The following EFCAB13 variants were observed in gnomAD, a reference collection of about 807,000 sequenced individuals.
The protein encoded by EFCAB13 is EF-hand calcium-binding domain-containing protein 13.
EFCAB13 carries 91 observed loss-of-function variants against 110.2 expected under a neutral mutation model. The ratio of observed to expected loss-of-function variants is 0.83; its 90% CI spans 0.70 to 0.98. EFCAB13 has a LOEUF of 0.98. EFCAB13 is among the 50% of genes least tolerant of loss of function. The pLI is 0.00. For missense variants in EFCAB13, 968 were observed against 1,119.4 expected (o/e 0.86, Z 1.93); for synonymous variants, 323 against 369.9 (o/e 0.87, Z 1.45).
In EFCAB13 at chr17:47,341,903, A is replaced by G. The variant is rs1207649031; in HGVS notation, c.192-18A>G. 2 of 1,349,716 alleles carry G rather than the reference A, an allele frequency of 1.5e-6. No individual in the cohort carries two copies. The highest frequency in any genetic ancestry group is 1.0e-6 in the Non-Finnish European group (1 of 965,864). The allele number at this position is 1,349,716 out of a possible 1,614,324, so 83.6% of individuals were successfully genotyped here. A position where few individuals can be genotyped will look rare whatever the true frequency, so the allele number is the denominator to read the frequency against. ...TAAAAAGAAATTCAAGAATGATTCC[A>G]ATTTCTGTGTCATTTAGATTTGAAA... On this transcript the variant is annotated intron_variant, in intron 5 of 24. Transcript: ENST00000331493.
At chr17:47,429,988 A>T (rs1403703242) in intron 24 of EFCAB13, 27 bp downstream of exon 24, 2 of 1,562,768 alleles carry the variant, frequency 1.3e-6, no homozygotes, top group East Asian at 4.6e-5. Context: ...CGTCTATCTT[A>T]TAAGGACCAT....
chr17:47,406,541 C>G (rs2065806356), intron 20 of EFCAB13, among the ~76,000 whole-genome samples: 1 of 152,146 alleles, frequency 6.6e-6, no homozygotes, highest in Non-Finnish European at 1.5e-5. Flanking sequence ...ACAGAATTCC[C>G]TCAACTTTTA....
In EFCAB13 at chr17:47,428,401, A is replaced by G. The variant is rs894956206; in HGVS notation, c.2495-1417A>G. Among the ~76,000 whole-genome samples the G allele has an allele frequency of 3.9e-5, 6 of 152,040 alleles. No individual in the cohort carries two copies. The South Asian group carries it at 6.2e-4, about 16-fold the overall frequency. ...GGAGATATAATTTTTGAGTCTTTGA[A>G]TGCTTCCCAATATCCATATTTTACC... On this transcript the variant is annotated intron_variant, in intron 23 of 24. Coordinates refer to ENST00000331493, the MANE Select transcript of EFCAB13 (RefSeq NM_152347.5).
chr17:47,439,166 GTTTTGTTTTTTTTTTTT>G (rs1418689751), intron 24 of EFCAB13, among the ~76,000 whole-genome samples: 4 of 66,056 alleles, frequency 6.1e-5, no homozygotes, highest in Non-Finnish European at 1.3e-4. Flanking sequence ...TTTCCTCTTT[GTTTTGTTTTTTTTTTTT>G]TTTTTTTTTT....
intron 10 of EFCAB13, among the ~76,000 whole-genome samples, chr17:47,365,524 G>A (rs546384062): frequency 1.3e-5 from 2 of 152,164 alleles, no homozygotes; most frequent in African/African-American, 4.8e-5. Flanking sequence ...TATAGTAGTG[G>A]CTCAGTAGTG....
intron 22 of EFCAB13, among the ~76,000 whole-genome samples, chr17:47,413,215 T>C (rs184702422): frequency 6.6e-6 from 1 of 151,054 alleles, no homozygotes; most frequent in Non-Finnish European, 1.5e-5. Context: ...TATTTTGATA[T>C]GCAATCTTTT....
At chr17:47,354,400 A>C (rs918623626) in intron 9 of EFCAB13, among the ~76,000 whole-genome samples, 1 of 151,934 alleles carries the variant, frequency 6.6e-6, no homozygotes, top group Non-Finnish European at 1.5e-5. Flanking sequence ...TTTTTTTTAG[A>C]GTATAGTTTA....
intron 23 of EFCAB13, among the ~76,000 whole-genome samples, chr17:47,421,088 C>T (rs1298419415): frequency 2.6e-5 from 4 of 151,842 alleles, no homozygotes; most frequent in Non-Finnish European, 4.4e-5. Flanking sequence ...TGCCCGGCCG[C>T]GCCTACTGGG....
chr17:47,371,674 C>T (rs1452010834), intron 11 of EFCAB13, among the ~76,000 whole-genome samples: 2 of 152,086 alleles, frequency 1.3e-5, no homozygotes, highest in African/African-American at 2.4e-5. Flanking sequence ...AGTGCAGTGG[C>T]GTGATCTCAG....
intron 3 of EFCAB13, among the ~76,000 whole-genome samples, chr17:47,327,509 G>A (rs551367994): frequency 1.3e-5 from 2 of 151,996 alleles, no homozygotes; most frequent in South Asian, 4.2e-4. Flanking sequence ...CCAGGCTGGA[G>A]TGCAGTGGTG....
At chr17:47,347,199 C>T (rs1343276745) in intron 8 of EFCAB13, among the ~76,000 whole-genome samples, 3 of 152,196 alleles carry the variant, frequency 2.0e-5, no homozygotes, top group East Asian at 1.9e-4. Flanking sequence ...CCCAGGATTT[C>T]GCGACAGGAG....
Position 47,335,272 on chromosome 17 carries a change from A to T in EFCAB13, c.107A>T (p.His36Leu). The stretch of plus-strand genomic sequence containing the variant: ...GACTTGTCATCAGGAACTATTAACC[A>T]CAAGAAATACATCAAGTTTTCTAAA... ...ATDLSSGTINHKKYIKFSKTI... is the reference protein window; with the variant it reads ...ATDLSSGTINLKKYIKFSKTI... Residue 36 changes from histidine to leucine, a missense_variant, in exon 5 of 25, where the codon CAC becomes CTC. Coordinates refer to ENST00000331493, the MANE Select transcript of EFCAB13 (RefSeq NM_152347.5). 3.1e-6 allele frequency: 5 copies of T among 1,612,038 alleles called. No individual in the cohort carries two copies. The highest frequency in any genetic ancestry group is 4.2e-6 in the Non-Finnish European group (5 of 1,179,370).
chr17:47,389,013 T>G (rs1279885495), intron 14 of EFCAB13, among the ~76,000 whole-genome samples: 1 of 152,174 alleles, frequency 6.6e-6, no homozygotes, highest in Non-Finnish European at 1.5e-5. Flanking sequence ...GTCAAGCATA[T>G]TTTCACATGC....
chr17:47,420,430 C>G (rs1167845332), intron 23 of EFCAB13, among the ~76,000 whole-genome samples: 5 of 151,478 alleles, frequency 3.3e-5, no homozygotes, highest in African/African-American at 1.2e-4. Context: ...GTGAGGAGCC[C>G]CTCTGCCTGG....
At position 47,335,354 on chromosome 17, in the gene EFCAB13, A is replaced by T; in HGVS notation, c.189A>T (p.Lys63Asn). Residue 63 changes from lysine to asparagine, a missense_variant and splice_region_variant, in exon 5 of 25, where the codon AAA becomes AAT. Coordinates refer to ENST00000331493, the MANE Select transcript of EFCAB13 (RefSeq NM_152347.5). ...EIRSLSPEYK[K>N]IFETSIIFCG... is the part of the protein sequence containing the mutation. The stretch of plus-strand genomic sequence containing the variant: ...GGAGTTTGAGCCCAGAATATAAAAA[A>T]ATGTAAGTTAAAAACTCTGAACTTA... 3 of 1,581,626 alleles carry T rather than the reference A, an allele frequency of 1.9e-6. No homozygotes were observed. Among genetic ancestry groups the T allele is most frequent in the Non-Finnish European group, 2.6e-6 (3 of 1,171,016 alleles).
intron 4 of EFCAB13, among the ~76,000 whole-genome samples, chr17:47,331,619 T>G (rs1285866815): frequency 6.6e-6 from 1 of 152,170 alleles, no homozygotes; most frequent in Non-Finnish European, 1.5e-5. Flanking sequence ...TAGAGTTCAC[T>G]TTTGTTGTAC....
At chr17:47,414,747 T>C (rs1815515340) in intron 22 of EFCAB13, 101 bp from the exon 23 acceptor site, 1 of 749,842 alleles carries the variant, frequency 1.3e-6, no homozygotes, top group South Asian at 1.6e-5. Flanking sequence ...AAAAGTGAGC[T>C]AGAGTGAAAT....
intron 20 of EFCAB13, among the ~76,000 whole-genome samples, chr17:47,405,491 A>G (rs8075058): frequency 0.63 from 96,176 of 151,708 alleles, 30,894 homozygotes; most frequent in African/African-American, 0.71. Flanking sequence ...CCCATTTCAC[A>G]TTTTTTTCTA....
intron 21 of EFCAB13, among the ~76,000 whole-genome samples, chr17:47,411,523 T>G (rs2065834923): frequency 2.0e-5 from 3 of 152,218 alleles, no homozygotes; most frequent in Admixed American, 2.0e-4. Context: ...ATATTATAAT[T>G]TTGTTTATAG....
Sources: allele counts gnomAD v4.1 joint callset (sites outside exome capture counted in the v4.1 genomes callset), GRCh38; gene constraint gnomAD v4.1.1; transcripts MANE v1.5; gene names NCBI Gene and HGNC (gene_info 2026-07-23, HGNC 2026-07-21).